The following CCNG1 variants were observed in gnomAD, a reference collection of about 807,000 sequenced individuals.
CCNG1 encodes cyclin G1.
Under a neutral mutation model 30.0 loss-of-function variants are expected in CCNG1, and 13 were observed. That is an observed-to-expected ratio of 0.43 (90% CI 0.28 to 0.69). CCNG1 has a LOEUF of 0.69. CCNG1 is among the 30% of genes least tolerant of loss of function. CCNG1 has a pLI of 0.16. For synonymous variants in CCNG1, 110 were observed against 121.5 expected (o/e 0.91, Z 0.62); for missense variants, 285 against 331.4 (o/e 0.86, Z 1.09).
At position 163,442,586 on chromosome 5, in the gene CCNG1, T is replaced by G; in HGVS notation, c.*3+18T>G. On this transcript the variant is annotated intron_variant, in intron 6 of 6. Transcript: ENST00000340828. ...CTTAACTGGTAAATTTGGTCCGTTA[T>G]TATTCTCCAGATAGAGAACATTTTC... 6.4e-7 allele frequency: 1 copy of G among 1,564,700 alleles called. No homozygotes were observed. Among genetic ancestry groups the G allele is most frequent in the Non-Finnish European group, 8.7e-7 (1 of 1,149,574 alleles).
downstream of CCNG1, chr5:163,451,047 T>G (rs1758163984): frequency 6.6e-6 from 1 of 152,192 alleles, no homozygotes; most frequent in East Asian, 1.9e-4. Context: ...AAAGACCACG[T>G]ATTATGATTC....
downstream of CCNG1, chr5:163,445,927 G>C (rs186701234): frequency 2.8e-4 from 42 of 152,154 alleles, no homozygotes; most frequent in Admixed American, 9.8e-4. Flanking sequence ...GAAGTTTTGT[G>C]CCAGCCTTCT....
downstream of CCNG1, among the ~76,000 whole-genome samples, chr5:163,446,356 C>T (rs989456256): frequency 3.3e-5 from 5 of 152,132 alleles, 1 homozygote; most frequent in Admixed American, 2.0e-4. Context: ...ATGACATTAT[C>T]CCAATTTGCA....
At chr5:163,455,369 G>A in the CCNG1 span, among the ~76,000 whole-genome samples, 5 of 152,212 alleles carry the variant, frequency 3.3e-5, no homozygotes, top group Non-Finnish European at 7.3e-5. Context: ...CTGTAAGGGA[G>A]GAGGTAATCA....
chr5:163,440,069 CA>C (rs1387450644), intron 2 of CCNG1, among the ~76,000 whole-genome samples: 2 of 151,486 alleles, frequency 1.3e-5, no homozygotes. Flanking sequence ...CTGTCACTTT[CA>C]GAGCTTAACT....
At position 163,438,257 on chromosome 5, in the gene CCNG1, C is replaced by T. The variant is rs183029532; in HGVS notation, c.-1+453C>T. ...CACCCCCCCGCCCCAATACGTGCTC[C>T]TAATGTCACCTTTTAAGTTTCCTTT... On this transcript the variant is annotated intron_variant, in intron 1 of 6. Transcript: ENST00000340828. Among the ~76,000 whole-genome samples the T allele has an allele frequency of 1.1e-3, 164 of 152,212 alleles. 1 individual carries two copies. Among genetic ancestry groups the T allele is most frequent in the Admixed American group, 1.9e-3 (29 of 15,282 alleles).
chr5:163,456,855 T>G, the CCNG1 span: 36 of 1,063,466 alleles, frequency 3.4e-5, no homozygotes, highest in Non-Finnish European at 4.5e-5. Flanking sequence ...GACATTTGAG[T>G]TTTAATTTCA....
At chr5:163,447,461 A>AT (rs35642164), downstream of CCNG1, 1 of 147,634 alleles carries the variant, frequency 6.8e-6, no homozygotes, top group Non-Finnish European at 1.5e-5. Flanking sequence ...AAAAAAAAAA[A>AT]CATGAAGCAA....
At chr5:163,455,503 C>T in the CCNG1 span, among the ~76,000 whole-genome samples, 1 of 152,222 alleles carries the variant, frequency 6.6e-6, no homozygotes. Flanking sequence ...GTGGTTCACG[C>T]CTGTAATCCC....
At chr5:163,447,444 C>CAAAAAAAAAAAAAAAAAAAAA (rs58594749), downstream of CCNG1, 1 of 116,716 alleles carries the variant, frequency 8.6e-6, no homozygotes. Context: ...GGGTAAGACT[C>CAAAAAAAAAAAAAAAAAAAAA]AAAAAAAAAA....
chr5:163,449,760 A>G (rs1758129465), downstream of CCNG1: 1 of 152,350 alleles, frequency 6.6e-6, no homozygotes, highest in East Asian at 1.9e-4. Context: ...CCAGACTCAC[A>G]TAAATAGCAA....
the CCNG1 span, chr5:163,453,744 CA>C: frequency 3.0e-6 from 1 of 335,414 alleles, no homozygotes; most frequent in Non-Finnish European, 5.4e-6. Flanking sequence ...TCATGCTGAG[CA>C]AAAACAAGTC....
At position 163,444,344 on chromosome 5, in the gene CCNG1, G is replaced by A. The variant is rs1160613571; in HGVS notation, c.*674G>A. 6.6e-6 allele frequency: 1 copy of A among 152,484 alleles called. No individual in the cohort carries two copies. Among genetic ancestry groups the A allele is most frequent in the Non-Finnish European group, 1.5e-5 (1 of 67,984 alleles). 9.4% of individuals were successfully genotyped at this position (152,484 alleles called of 1,614,324 possible). ...TTTAATATTTTTTTCTAGAAAACAGGTGACATTTGTATCTACGATAAAAAT... is the reference window on the plus strand; with the variant it reads ...TTTAATATTTTTTTCTAGAAAACAGATGACATTTGTATCTACGATAAAAAT... On this transcript the variant is annotated 3_prime_UTR_variant, in exon 7 of 7. Coordinates refer to ENST00000340828, the MANE Select transcript of CCNG1 (RefSeq NM_004060.4).
At chr5:163,454,718 C>T in the CCNG1 span, among the ~76,000 whole-genome samples, 1 of 152,324 alleles carries the variant, frequency 6.6e-6, no homozygotes, top group Non-Finnish European at 1.5e-5. Flanking sequence ...ATATTTAACC[C>T]TCACAACAGT....
Position 163,439,346 on chromosome 5 carries a change from G to C in CCNG1, c.90G>C (p.Lys30Asn). ...AACAGGAGTCTAGATGTCAGCCAAA[G>C]GTCTGTGGTTTGAGACTAATTGAGT... ...LLEQESRCQP[K>N]VCGLRLIESA... Residue 30 changes from lysine to asparagine, a missense_variant, in exon 2 of 7, where the codon AAG becomes AAC. Transcript: ENST00000340828. 1 of 1,614,144 alleles carries C rather than the reference G, an allele frequency of 6.2e-7. No homozygotes were observed. Among genetic ancestry groups the C allele is most frequent in the South Asian group, 1.1e-5 (1 of 91,088 alleles).
chr5:163,455,892 G>A, the CCNG1 span, among the ~76,000 whole-genome samples: 1 of 152,258 alleles, frequency 6.6e-6, no homozygotes, highest in East Asian at 1.9e-4. Flanking sequence ...GGTGAAAAGT[G>A]GCCAAATTCT....
the CCNG1 span, among the ~76,000 whole-genome samples, chr5:163,455,828 G>A: frequency 2.7e-5 from 4 of 149,740 alleles, no homozygotes; most frequent in African/African-American, 1.0e-4. Flanking sequence ...CGTTATTAGA[G>A]TAATCAGGCA....
chr5:163,448,390 T>C (rs1237832194), downstream of CCNG1: 1 of 152,120 alleles, frequency 6.6e-6, no homozygotes, highest in African/African-American at 2.4e-5. Flanking sequence ...TAGATCCTCA[T>C]TAGAACGACA....
downstream of CCNG1, chr5:163,450,817 T>A (rs964038109): frequency 2.0e-5 from 3 of 152,198 alleles, no homozygotes; most frequent in African/African-American, 4.8e-5. Flanking sequence ...AGGTAAGAAA[T>A]GAAAACACAT....
Sources: gnomAD v4.1 joint callset for allele counts (sites outside exome capture counted in the v4.1 genomes callset) on GRCh38, gnomAD v4.1.1 for gene constraint, MANE v1.5 for transcripts, NCBI Gene and HGNC (gene_info 2026-07-23, HGNC 2026-07-21) for gene names.